GIT2: variants seen among roughly 807,000 people sequenced by gnomAD.
GIT2 encodes GIT ArfGAP 2.
Under a neutral mutation model 100.3 loss-of-function variants are expected in GIT2, and 32 were observed. The observed-to-expected ratio is 0.32, with a 90% confidence interval of 0.24 to 0.43. The LOEUF (loss-of-function observed/expected upper bound fraction) is 0.43. Among genes scored for constraint, GIT2 ranks in the 20% least tolerant of loss-of-function variants. GIT2 has a pLI of 1.00. For missense variants in GIT2, 737 were observed against 975.1 expected, an observed-to-expected ratio of 0.76 and a Z score of 3.25; for synonymous variants, 353 against 364.1, an observed-to-expected ratio of 0.97 and a Z score of 0.35.
chr12:109,987,589 C>A (rs1414413877), intron 4 of GIT2, among the ~76,000 whole-genome samples: 2 of 151,776 alleles, frequency 1.3e-5, no homozygotes, highest in African/African-American at 4.8e-5. Flanking sequence ...ACCTCAGCCT[C>A]CCAGGTAGCT....
chr12:109,996,005 G>A (rs1405499817), intron 1 of GIT2, 168 bp downstream of exon 1: 3 of 478,878 alleles, frequency 6.3e-6, no homozygotes, highest in Admixed American at 4.4e-5. Context: ...GCGGCCCCCT[G>A]CCCGCCCGGC....
rs1266212932 is a variant in GIT2 at position 109,967,491 on chromosome 12, C to T, written c.731G>A (p.Gly244Glu). The change falls in exon 8 of 20, where the codon GGA becomes GAA. Residue 244 changes from glycine (G) to glutamate (E), a missense_variant. Transcript: ENST00000355312. ...LCGRKPDHKN[G>E]QHFIIPQMAD... is the part of the protein sequence containing the mutation. ...CATTTGAGGTATTATAAAGTGCTGT[C>T]CATTTTTGTGATCTGAAACAGAAAC... 1 of 1,604,064 alleles carries T rather than the reference C, an allele frequency of 6.2e-7. No homozygotes were observed. The highest frequency in any genetic ancestry group is 2.2e-5 in the East Asian group (1 of 44,766).
At chr12:109,968,169 C>A (rs563449774) in intron 7 of GIT2, among the ~76,000 whole-genome samples, 1 of 152,122 alleles carries the variant, frequency 6.6e-6, no homozygotes, top group South Asian at 2.1e-4. Flanking sequence ...CCTTGAGTAG[C>A]GCTATCACTT....
intron 16 of GIT2, chr12:109,940,593 TAC>T (rs1874371251): frequency 6.6e-6 from 1 of 151,938 alleles, no homozygotes; most frequent in South Asian, 2.1e-4. Context: ...TAAGAAGGTC[TAC>T]ATGGCCAGGT....
At chr12:109,994,327 C>G (rs1475487650) in intron 1 of GIT2, among the ~76,000 whole-genome samples, 1 of 152,126 alleles carries the variant, frequency 6.6e-6, no homozygotes, top group Non-Finnish European at 1.5e-5. Context: ...AGCCAGGGCT[C>G]CAGGGACACC....
At chr12:109,974,966 G>C (rs1283619716) in intron 7 of GIT2, among the ~76,000 whole-genome samples, 1 of 152,076 alleles carries the variant, frequency 6.6e-6, no homozygotes, top group African/African-American at 2.4e-5. Context: ...TACACATTTA[G>C]AACTATTATG....
chr12:109,953,037 G>C, intron 13 of GIT2, 55 bp downstream of exon 13: 1 of 1,588,666 alleles, frequency 6.3e-7, no homozygotes, highest in East Asian at 2.2e-5. Context: ...GCTTTGGCAG[G>C]GCTAGCCCTC....
In GIT2 at chr12:109,951,463, A is replaced by G. The variant is rs1042744174; in HGVS notation, c.1243-147T>C. On this transcript the variant is annotated intron_variant, in intron 13 of 19. Transcript: ENST00000355312. ...AGGCCTCTGAGAGTAATGCAAAACTAAAACATAAAAGTAGGGTCACTATAC... is the reference window on the plus strand; with the variant it reads ...AGGCCTCTGAGAGTAATGCAAAACTGAAACATAAAAGTAGGGTCACTATAC... 2.3e-5 allele frequency: 15 copies of G among 643,928 alleles called. No individual in the cohort carries two copies. In the African/African-American group the frequency reaches 2.4e-4, roughly 10 times the overall value. 39.9% of individuals were successfully genotyped at this position (643,928 alleles called of 1,614,324 possible).
chr12:109,952,698 T>A (rs758534180), intron 13 of GIT2: 1 of 497,998 alleles, frequency 2.0e-6, no homozygotes, highest in African/African-American at 1.9e-5. Context: ...CAGCCATAGA[T>A]TCTCTCTCTG....
chr12:109,986,078 G>A (rs894612483), intron 4 of GIT2, among the ~76,000 whole-genome samples: 21 of 151,484 alleles, frequency 1.4e-4, no homozygotes, highest in African/African-American at 5.1e-4. Context: ...TGCAACCTTC[G>A]TCTCCCCAGT....
chr12:109,984,143 C>G (rs1380126312), intron 4 of GIT2, among the ~76,000 whole-genome samples: 1 of 152,174 alleles, frequency 6.6e-6, no homozygotes, highest in Non-Finnish European at 1.5e-5. Flanking sequence ...GATGCAGTGG[C>G]TCATGCCTGT....
chr12:109,938,603 G>C, intron 17 of GIT2, 35 bp from the exon 18 acceptor site: 2 of 1,473,082 alleles, frequency 1.4e-6, no homozygotes, highest in Non-Finnish European at 1.8e-6. Flanking sequence ...AATACAGCAG[G>C]TGCTTATCAG....
At chr12:109,988,218 T>C (rs1887751055) in intron 4 of GIT2, among the ~76,000 whole-genome samples, 1 of 152,184 alleles carries the variant, frequency 6.6e-6, no homozygotes, top group Non-Finnish European at 1.5e-5. Context: ...CTCTTTGCCC[T>C]GAACCTCCAC....
rs889224524 is a variant in GIT2, at chr12:109,954,037, G to A, written c.1100-803C>T. 389 of 152,366 alleles carry A rather than the reference G, an allele frequency of 2.6e-3. 3 individuals carry two copies. The highest frequency in any genetic ancestry group is 1.1e-3 in the Non-Finnish European group (77 of 68,080). The allele number at this position is 152,366 out of a possible 1,614,324, so 9.4% of individuals were successfully genotyped here. Reference sequence around the variant, plus strand: ...ACAATAGAAGCACTGGGCCGGGCGCGGTGGCTCACGCCTGTAATCCCAGCA... The same window carrying A: ...ACAATAGAAGCACTGGGCCGGGCGCAGTGGCTCACGCCTGTAATCCCAGCA... On this transcript the variant is annotated intron_variant, in intron 12 of 19. Coordinates refer to ENST00000355312, the MANE Select transcript of GIT2 (RefSeq NM_057169.5).
chr12:109,938,011 CTT>C (rs1345397380), intron 18 of GIT2, among the ~76,000 whole-genome samples: 1 of 152,076 alleles, frequency 6.6e-6, no homozygotes, highest in Non-Finnish European at 1.5e-5. Flanking sequence ...CCCAGGATAC[CTT>C]TTGTGTCAGC....
intron 7 of GIT2, among the ~76,000 whole-genome samples, chr12:109,969,372 A>T (rs1004138552): frequency 6.6e-6 from 1 of 151,550 alleles, no homozygotes; most frequent in Non-Finnish European, 1.5e-5. Flanking sequence ...TCACCATGTT[A>T]GTCAGGTTGG....
chr12:109,991,029 G>A (rs1173962391), intron 2 of GIT2, among the ~76,000 whole-genome samples: 1 of 152,220 alleles, frequency 6.6e-6, no homozygotes, highest in Non-Finnish European at 1.5e-5. Flanking sequence ...TGGACTACTG[G>A]CCGGGCGCGG....
intron 4 of GIT2, among the ~76,000 whole-genome samples, chr12:109,986,285 T>TA (rs1887365517): frequency 6.6e-6 from 1 of 152,112 alleles, no homozygotes; most frequent in African/African-American, 2.4e-5. Flanking sequence ...ACAGATTTTT[T>TA]AAAAAACTCT....
upstream of GIT2, chr12:109,999,650 T>C (rs1401346203): frequency 4.7e-6 from 7 of 1,487,914 alleles, no homozygotes; most frequent in Non-Finnish European, 6.3e-6. The surrounding 1 kb of genome is among the most constrained non-coding windows in gnomAD (Gnocchi z 4.3). Context: ...GGCCGAGACT[T>C]GGGGCGGGCG....
Sources: gnomAD v4.1 joint callset for allele counts (sites outside exome capture counted in the v4.1 genomes callset) on GRCh38, gnomAD v4.1.1 for gene constraint, Gnocchi (gnomAD v3.1) non-coding constraint, MANE v1.5 for transcripts, NCBI Gene and HGNC (gene_info 2026-07-23, HGNC 2026-07-21) for gene names.